The following IDO2 variants were observed in gnomAD, a reference collection of about 807,000 sequenced individuals.
The protein encoded by IDO2 is indoleamine 2,3-dioxygenase-like 1 protein.
Under a neutral mutation model 45.1 loss-of-function variants are expected in IDO2, and 46 were observed. The ratio of observed to expected loss-of-function variants is 1.02; its 90% confidence interval spans 0.80 to 1.30. IDO2 has a LOEUF of 1.30. Among genes scored for constraint, IDO2 ranks in the 50% most tolerant of loss-of-function variants. The pLI, the probability that IDO2 is intolerant of heterozygous loss-of-function variation, is 0.00. For synonymous variants in IDO2, 218 were observed against 184.9 expected (o/e 1.18, Z -1.45); for missense variants, 544 against 491.8 (o/e 1.11, Z -1.00).
At chr8:40,015,569 G>C (rs1242296253) in exon 11 of IDO2, 3 of 1,613,490 alleles carry the variant, frequency 1.9e-6, no homozygotes, top group Admixed American at 3.3e-5. Context: ...TCAGGGATAA[G>C]ACCTTGGAGT....
chr8:40,005,034 C>T (rs540351014), intron 8 of IDO2, among the ~76,000 whole-genome samples: 3 of 152,128 alleles, frequency 2.0e-5, no homozygotes, highest in Admixed American at 6.5e-5. Context: ...GTTTAAAATA[C>T]GAAATTTTAA....
intron 8 of IDO2, among the ~76,000 whole-genome samples, chr8:39,992,092 C>T (rs1462236334): frequency 6.6e-6 from 1 of 152,216 alleles, no homozygotes; most frequent in Non-Finnish European, 1.5e-5. Flanking sequence ...TAAAGATGGC[C>T]CCATGCCATC....
At chr8:39,965,169 G>T (rs1327951974) in intron 3 of IDO2, among the ~76,000 whole-genome samples, 1 of 152,198 alleles carries the variant, frequency 6.6e-6, no homozygotes, top group Non-Finnish European at 1.5e-5. Flanking sequence ...AAAATTGAGT[G>T]TGAAATCTAT....
intron 9 of IDO2, among the ~76,000 whole-genome samples, chr8:40,009,027 A>ATTTC (rs36022544): frequency 1.3e-5 from 2 of 151,778 alleles, no homozygotes; most frequent in Non-Finnish European, 2.9e-5. Flanking sequence ...TTATTTATTT[A>ATTTC]TTTTTAGATG....
At chr8:40,009,527 A>T (rs1387573844) in intron 9 of IDO2, among the ~76,000 whole-genome samples, 1 of 152,100 alleles carries the variant, frequency 6.6e-6, no homozygotes, top group Admixed American at 6.6e-5. Flanking sequence ...AGAAAGGCTA[A>T]AAATAATTGT....
chr8:39,992,515 A>G (rs564215080), intron 8 of IDO2, among the ~76,000 whole-genome samples: 1 of 152,304 alleles, frequency 6.6e-6, no homozygotes, highest in Admixed American at 6.5e-5. Context: ...CCCCATCAAC[A>G]GAATATAGTG....
At chr8:39,971,110 C>T (rs1181358600) in intron 3 of IDO2, among the ~76,000 whole-genome samples, 2 of 152,260 alleles carry the variant, frequency 1.3e-5, no homozygotes, top group Admixed American at 1.3e-4. Flanking sequence ...CTTGAAAGGA[C>T]AGGCTGACTC....
At chr8:40,002,080 C>A (rs1802146440) in intron 8 of IDO2, among the ~76,000 whole-genome samples, 1 of 152,182 alleles carries the variant, frequency 6.6e-6, no homozygotes, top group African/African-American at 2.4e-5. Context: ...ACCACCATGC[C>A]TGGCCCATAA....
chr8:39,983,814 G>A (rs148157990), intron 5 of IDO2, among the ~76,000 whole-genome samples: 7 of 151,636 alleles, frequency 4.6e-5, no homozygotes, highest in Non-Finnish European at 7.4e-5. Context: ...TGCAGTGAGC[G>A]AAATCATGCC....
chr8:40,005,625 TC>T (rs764533163), intron 9 of IDO2, among the ~76,000 whole-genome samples: 3 of 152,158 alleles, frequency 2.0e-5, no homozygotes, highest in African/African-American at 4.8e-5. Context: ...TTTCTTAGAA[TC>T]CTAGCTCAAT....
intron 2 of IDO2, among the ~76,000 whole-genome samples, chr8:39,950,492 T>C (rs1807798032): frequency 6.6e-6 from 1 of 152,092 alleles, no homozygotes; most frequent in South Asian, 2.1e-4. Flanking sequence ...GATCATGCTG[T>C]TGGGAATGAA....
At chr8:39,993,402 A>G (rs542613890) in intron 8 of IDO2, among the ~76,000 whole-genome samples, 1 of 152,266 alleles carries the variant, frequency 6.6e-6, no homozygotes, top group East Asian at 1.9e-4. Context: ...CCATCGGCGC[A>G]TTGGCAGCGT....
At position 39,941,762 on chromosome 8, in the gene IDO2, T is replaced by A. The variant is rs560469972; in HGVS notation, c.-18+6544T>A. On this transcript the variant is annotated intron_variant, in intron 1 of 10. Transcript: ENST00000502986. ...AGTCAGAAAAATACAGTTCAAACAA[T>A]AGGAAAGAAAACCAGAAATGCATGA... 6.6e-5 allele frequency among the ~76,000 whole-genome samples: 10 copies of A among 151,794 alleles called. No individual in the cohort carries two copies. The South Asian group carries it at 1.3e-3, about 19-fold the overall frequency.
At position 39,948,029 on chromosome 8, in the gene IDO2, CTGCCTTGGCCTTCCAAAG is replaced by C. The variant is rs553889278; in HGVS notation, c.-17-1099_-17-1082del. On this transcript the variant is annotated intron_variant, in intron 1 of 10. Coordinates refer to ENST00000502986, the Ensembl canonical transcript of IDO2. ...AAACTCCTGACCTCAGGTGATCCGC[CTGCCTTGGCCTTCCAAAG>C]TGCCTTGGCCTTCCAAAGTGGCGTG... 3.6e-3 allele frequency among the ~76,000 whole-genome samples: 554 copies of C among 152,314 alleles called. 2 individuals are homozygous for C. Among genetic ancestry groups the C allele is most frequent in the South Asian group, 0.013 (62 of 4,834 alleles).
intron 3 of IDO2, among the ~76,000 whole-genome samples, chr8:39,975,196 C>T (rs1021543788): frequency 6.8e-6 from 1 of 146,088 alleles, no homozygotes; most frequent in African/African-American, 2.5e-5. Flanking sequence ...GACGGAGTCT[C>T]ACTCTGTCGC....
At chr8:39,960,157 G>A (rs1194056874) in intron 2 of IDO2, among the ~76,000 whole-genome samples, 1 of 152,150 alleles carries the variant, frequency 6.6e-6, no homozygotes, top group Non-Finnish European at 1.5e-5. Flanking sequence ...ACTTCCCTGG[G>A]TTCTCATGGA....
intron 3 of IDO2, among the ~76,000 whole-genome samples, chr8:39,965,240 C>T: frequency 6.6e-6 from 1 of 152,186 alleles, no homozygotes; most frequent in African/African-American, 2.4e-5. Flanking sequence ...AATCCTAGCA[C>T]TTTGGGAGGC....
intron 8 of IDO2, among the ~76,000 whole-genome samples, chr8:39,999,179 T>C (rs1354996383): frequency 6.6e-6 from 1 of 152,092 alleles, no homozygotes; most frequent in East Asian, 1.9e-4. Flanking sequence ...TAGCTGTCGG[T>C]TTATCTTTCT....
intron 2 of IDO2, among the ~76,000 whole-genome samples, chr8:39,949,887 A>C (rs1281687205): frequency 6.6e-6 from 1 of 152,244 alleles, no homozygotes; most frequent in African/African-American, 2.4e-5. Flanking sequence ...ATTTCTGAGA[A>C]GGGGAAGGAA....
Sources: allele counts gnomAD v4.1 joint callset (sites outside exome capture counted in the v4.1 genomes callset), GRCh38; gene constraint gnomAD v4.1.1; transcripts MANE v1.5; gene names NCBI Gene and HGNC (gene_info 2026-07-23, HGNC 2026-07-21).